Variants in AGTPBP1 observed in about 807,000 individuals in gnomAD.
AGTPBP1 encodes cytosolic carboxypeptidase 1.
AGTPBP1 carries 70 observed loss-of-function variants against 143.9 expected under a neutral mutation model. The ratio of observed to expected loss-of-function variants is 0.49; its 90% CI spans 0.40 to 0.59. The LOEUF (loss-of-function observed/expected upper bound fraction) is 0.59, where lower values mean the gene tolerates loss of function less well. Among genes scored for constraint, AGTPBP1 ranks in the 20% least tolerant of loss-of-function variants. AGTPBP1 has a pLI of 0.00. For missense variants in AGTPBP1, 1,229 were observed against 1,464.5 expected (o/e 0.84, Z 2.62); for synonymous variants, 463 against 500.2 (o/e 0.93, Z 0.99).
rs1275396367 is a variant in AGTPBP1, at chr9:85,741,800, G to A, written c.-59C>T. On this transcript the variant is annotated 5_prime_UTR_variant, in exon 1 of 26. Coordinates refer to ENST00000357081, the MANE Select transcript of AGTPBP1 (RefSeq NM_001330701.2). ...CGGCTCAGGATGGGGCGCTGGCGGG[G>A]ACCGCGCAGAGCCGCAGCACCCGGC... The A allele has an allele frequency of 1.5e-6, 2 of 1,361,880 alleles. No individual in the cohort carries two copies. The highest frequency in any genetic ancestry group is 3.4e-5 in the South Asian group (2 of 57,996). The allele number at this position is 1,361,880 out of a possible 1,614,324, so 84.4% of individuals were successfully genotyped here.
At chr9:85,736,483 C>A (rs1588007769) in intron 1 of AGTPBP1, among the ~76,000 whole-genome samples, 1 of 152,224 alleles carries the variant, frequency 6.6e-6, no homozygotes, top group East Asian at 1.9e-4. Flanking sequence ...TACAGTCATC[C>A]TATAGTGCTA....
chr9:85,606,395 A>G lies in AGTPBP1; in HGVS notation c.2336-9946T>C, dbSNP rs573683774. On this transcript the variant is annotated intron_variant, in intron 17 of 25. Coordinates refer to ENST00000357081, the MANE Select transcript of AGTPBP1 (RefSeq NM_001330701.2). ...AAAATGGCAATTATTAAAAAGAGAA[A>G]AAAAAAAAAAGATGTTAGTGAGGAT... 9.2e-5 allele frequency among the ~76,000 whole-genome samples: 14 copies of G among 151,542 alleles called. No individual in the cohort carries two copies. The East Asian group carries it at 1.6e-3, about 17-fold the overall frequency.
At chr9:85,612,660 C>T (rs1473037565) in intron 17 of AGTPBP1, among the ~76,000 whole-genome samples, 1 of 152,164 alleles carries the variant, frequency 6.6e-6, no homozygotes. Flanking sequence ...GGACCCACTA[C>T]TTTTGACTGG....
the AGTPBP1 span, among the ~76,000 whole-genome samples, chr9:85,759,153 C>T: frequency 1.3e-5 from 2 of 152,160 alleles, no homozygotes. Flanking sequence ...GAGACTTAGA[C>T]TCCCACACAA....
intron 17 of AGTPBP1, among the ~76,000 whole-genome samples, chr9:85,615,580 A>G (rs1446146156): frequency 6.6e-6 from 1 of 152,096 alleles, no homozygotes; most frequent in Non-Finnish European, 1.5e-5. Flanking sequence ...ATGAGCTTTC[A>G]TACTATAATC....
At chr9:85,732,026 G>A (rs570451321) in intron 1 of AGTPBP1, among the ~76,000 whole-genome samples, 2 of 152,086 alleles carry the variant, frequency 1.3e-5, no homozygotes, top group Non-Finnish European at 2.9e-5. Flanking sequence ...TTGAAGAGCA[G>A]AATCTCATTA....
At chr9:85,676,984 C>T (rs752870761) in intron 6 of AGTPBP1, among the ~76,000 whole-genome samples, 2 of 152,036 alleles carry the variant, frequency 1.3e-5, no homozygotes, top group African/African-American at 2.4e-5. Context: ...GCTAAAAAAA[C>T]TGATCTCATG....
intron 2 of AGTPBP1, among the ~76,000 whole-genome samples, chr9:85,705,544 G>A (rs1432712963): frequency 6.6e-6 from 1 of 152,010 alleles, no homozygotes; most frequent in Non-Finnish European, 1.5e-5. Context: ...AGTAGAAAAT[G>A]AGTGATAAGA....
At chr9:85,606,956 T>C (rs1260299838) in intron 17 of AGTPBP1, among the ~76,000 whole-genome samples, 1 of 151,860 alleles carries the variant, frequency 6.6e-6, no homozygotes, top group Admixed American at 6.6e-5. Flanking sequence ...TGTAAATATA[T>C]AGTTCAAGAA....
At chr9:85,585,812 C>T (rs1208532579) in intron 22 of AGTPBP1, among the ~76,000 whole-genome samples, 1 of 152,054 alleles carries the variant, frequency 6.6e-6, no homozygotes, top group Non-Finnish European at 1.5e-5. Context: ...CTTTCAAGGT[C>T]CTATATCATC....
Position 85,706,197 on chromosome 9 carries a change from G to T in AGTPBP1, c.32+6305C>A, listed in dbSNP as rs558701890. 3.3e-5 allele frequency among the ~76,000 whole-genome samples: 5 copies of T among 151,790 alleles called. No individual in the cohort carries two copies. In the South Asian group the frequency reaches 1.0e-3, roughly 32 times the overall value. ...AGAGAAGGAAGAAAAGGAGGAAGAA[G>T]AGAATAAAAAATGAGACATATAGAA... On this transcript the variant is annotated intron_variant, in intron 2 of 25. Coordinates refer to ENST00000357081, the MANE Select transcript of AGTPBP1 (RefSeq NM_001330701.2).
At chr9:85,553,637 A>G (rs532497369) in intron 25 of AGTPBP1, among the ~76,000 whole-genome samples, 1 of 152,372 alleles carries the variant, frequency 6.6e-6, no homozygotes, top group South Asian at 2.1e-4. Context: ...GGAAGCAGCA[A>G]TTAACTATGT....
At chr9:85,768,047 C>A in the AGTPBP1 span, among the ~76,000 whole-genome samples, 1 of 152,154 alleles carries the variant, frequency 6.6e-6, no homozygotes, top group South Asian at 2.1e-4. Flanking sequence ...TGTATTGTGG[C>A]AAATTTTTCA....
intron 15 of AGTPBP1, among the ~76,000 whole-genome samples, chr9:85,620,620 C>A (rs1317839479): frequency 6.6e-6 from 1 of 151,868 alleles, no homozygotes; most frequent in Admixed American, 6.6e-5. Flanking sequence ...TATTTAAATC[C>A]TAAAATGTGA....
intron 18 of AGTPBP1, among the ~76,000 whole-genome samples, chr9:85,596,005 T>C (rs1300804289): frequency 1.3e-5 from 2 of 152,218 alleles, no homozygotes; most frequent in Non-Finnish European, 2.9e-5. Flanking sequence ...ATACTTGATA[T>C]CATAGGAACA....
intron 9 of AGTPBP1, 59 bp from the exon 10 acceptor site, chr9:85,657,702 A>T: frequency 7.8e-7 from 1 of 1,274,028 alleles, no homozygotes; most frequent in Non-Finnish European, 1.1e-6. Context: ...GAGTGGTAGA[A>T]TAATCAAATT....
intron 9 of AGTPBP1, among the ~76,000 whole-genome samples, chr9:85,660,711 C>T (rs1833804429): frequency 6.6e-6 from 1 of 151,988 alleles, no homozygotes; most frequent in South Asian, 2.1e-4. Flanking sequence ...ATGTGCTTGA[C>T]TAAATTATAT....
intron 25 of AGTPBP1, among the ~76,000 whole-genome samples, chr9:85,556,655 C>T (rs1415086960): frequency 2.6e-5 from 4 of 152,014 alleles, no homozygotes; most frequent in African/African-American, 4.8e-5. Context: ...AACTAACCAA[C>T]GAAAGCTAGG....
chr9:85,673,708 G>GGTAATGGGTA, intron 6 of AGTPBP1, among the ~76,000 whole-genome samples: 1 of 152,164 alleles, frequency 6.6e-6, no homozygotes, highest in Non-Finnish European at 1.5e-5. Context: ...TAGCTACAAT[G>GGTAATGGGTA]TTCACTATTC....
Sources: allele counts gnomAD v4.1 joint callset (sites outside exome capture counted in the v4.1 genomes callset), GRCh38; gene constraint gnomAD v4.1.1; transcripts MANE v1.5; gene names NCBI Gene and HGNC (gene_info 2026-07-23, HGNC 2026-07-21).